Variants in RICTOR observed in about 807,000 individuals in gnomAD.
RICTOR encodes the protein RPTOR independent companion of MTOR complex 2.
Under a neutral mutation model 214.9 loss-of-function variants are expected in RICTOR, and 49 were observed. The observed-to-expected ratio is 0.23, with a 90% CI of 0.18 to 0.29. RICTOR has a LOEUF of 0.29. Among genes scored for constraint, RICTOR ranks in the 10% least tolerant of loss-of-function variants. The pLI is 1.00. For synonymous variants in RICTOR, 717 were observed against 711.3 expected (o/e 1.01, Z -0.13); for missense variants, 1,625 against 2,047.0 (o/e 0.79, Z 3.98).
intron 2 of RICTOR, among the ~76,000 whole-genome samples, chr5:39,022,260 G>A (rs184786419): frequency 2.0e-5 from 3 of 152,280 alleles, no homozygotes; most frequent in Admixed American, 1.3e-4. Context: ...GTATTGGGAC[G>A]TAACCTCATC....
intron 3 of RICTOR, among the ~76,000 whole-genome samples, chr5:39,006,910 C>T (rs1329664387): frequency 2.0e-5 from 3 of 152,040 alleles, no homozygotes; most frequent in Admixed American, 2.0e-4. Context: ...AACAAAGAGG[C>T]CTCAGACTTT....
chr5:38,959,518 T>C (rs770899319), intron 21 of RICTOR, among the ~76,000 whole-genome samples, 197 bp from the exon 22 acceptor site: 1 of 152,186 alleles, frequency 6.6e-6, no homozygotes, highest in Non-Finnish European at 1.5e-5. Context: ...TCATCATACA[T>C]AGTTACTATT....
At chr5:39,022,572 T>C (rs1475221076) in intron 2 of RICTOR, 2 of 153,060 alleles carry the variant, frequency 1.3e-5, no homozygotes, top group African/African-American at 4.8e-5. Flanking sequence ...AAGGCCTGGC[T>C]GCCCTAGAGC....
intron 3 of RICTOR, among the ~76,000 whole-genome samples, chr5:39,011,134 C>T (rs767852949): frequency 1.1e-4 from 17 of 152,290 alleles, no homozygotes; most frequent in Non-Finnish European, 2.4e-4. Flanking sequence ...CAGGGACTTG[C>T]TGCTTTGTGT....
intron 6 of RICTOR, among the ~76,000 whole-genome samples, chr5:38,991,406 C>G (rs758069104): frequency 6.6e-6 from 1 of 152,012 alleles, no homozygotes; most frequent in Non-Finnish European, 1.5e-5. Flanking sequence ...CAAGGTAAAC[C>G]AGAGGGGACA....
At position 38,942,348 on chromosome 5, in the gene RICTOR, T is replaced by C. The variant is rs773603486; in HGVS notation, c.5083A>G (p.Thr1695Ala). The C allele has an allele frequency of 5.6e-6, 9 of 1,597,734 alleles. No individual in the cohort carries two copies. In the South Asian group the frequency reaches 1.0e-4, roughly 18 times the overall value. ...MHEEAEAVLA[T>A]PPKQPIVDTS... ...TCAACTATAGGTTGCTTTGGTGGTGTTGCCAACACAGCCTCTGCTTCTTCA... is the reference window on the plus strand; with the variant it reads ...TCAACTATAGGTTGCTTTGGTGGTGCTGCCAACACAGCCTCTGCTTCTTCA... Residue 1695 changes from threonine to alanine, a missense_variant, in exon 38 of 38, where the codon ACA becomes GCA. This residue lies in a region of RICTOR where 38 missense variants were observed against 34.8 expected (regional missense o/e 1.09). Coordinates refer to ENST00000357387, the MANE Select transcript of RICTOR (RefSeq NM_152756.5).
chr5:38,958,727 A>G lies in RICTOR; in HGVS notation c.2283T>C (p.Asp761=). 6.2e-7 allele frequency: 1 copy of G among 1,612,306 alleles called. No homozygotes were observed. The highest frequency in any genetic ancestry group is 8.5e-7 in the Non-Finnish European group (1 of 1,179,084). Residue 761 remains aspartate, a synonymous_variant, in exon 23 of 38, where the codon GAT becomes GAC. Coordinates refer to ENST00000357387, the MANE Select transcript of RICTOR (RefSeq NM_152756.5). ...GIELLVTQLH[D]KNKTISSEAL... ...CTTCAGAGGAAATCGTTTTGTTTTT[A>G]TCATGTAGCTGGGTCACTAACAACT...
intron 2 of RICTOR, among the ~76,000 whole-genome samples, chr5:39,032,884 T>C (rs193080836): frequency 3.3e-5 from 5 of 152,308 alleles, no homozygotes; most frequent in Non-Finnish European, 7.3e-5. Flanking sequence ...TCAACCCAAC[T>C]TGGGGAACAA....
At chr5:39,040,679 A>G (rs1308802511) in intron 2 of RICTOR, among the ~76,000 whole-genome samples, 1 of 152,006 alleles carries the variant, frequency 6.6e-6, no homozygotes, top group Admixed American at 6.5e-5. Context: ...ATTGTATTCC[A>G]TAATTTTATT....
chr5:39,061,128 A>C (rs1758512093), intron 2 of RICTOR, among the ~76,000 whole-genome samples: 1 of 152,118 alleles, frequency 6.6e-6, no homozygotes, highest in Non-Finnish European at 1.5e-5. Flanking sequence ...AATGCTGGAC[A>C]CATAACCAGT....
intron 7 of RICTOR, among the ~76,000 whole-genome samples, chr5:38,989,918 C>A (rs547388916): frequency 8.0e-4 from 122 of 152,146 alleles, no homozygotes; most frequent in Non-Finnish European, 1.5e-3. Flanking sequence ...TAAATTAGTT[C>A]AACCATTGTG....
rs1025711585 is a variant in RICTOR, at chr5:38,940,996, T to C, written c.*1308A>G. The C allele has an allele frequency of 1.7e-5, 4 of 232,756 alleles. No homozygotes were observed. The highest frequency in any genetic ancestry group is 6.1e-5 in the East Asian group (1 of 16,380). The allele number at this position is 232,756 out of a possible 1,614,324, so 14.4% of individuals were successfully genotyped here. ...TGGATTTTCTATTTCTATTTATATA[T>C]AGATCTCAAAAAAGATAATCCTTTC... On this transcript the variant is annotated 3_prime_UTR_variant, in exon 38 of 38. Coordinates refer to ENST00000357387, the MANE Select transcript of RICTOR (RefSeq NM_152756.5).
chr5:39,049,070 A>G (rs1016316861), intron 2 of RICTOR, among the ~76,000 whole-genome samples: 1 of 152,100 alleles, frequency 6.6e-6, no homozygotes, highest in Non-Finnish European at 1.5e-5. Context: ...TGGTTAAGGG[A>G]AAAAAACACC....
chr5:39,063,830 G>T (rs935248874), intron 2 of RICTOR, among the ~76,000 whole-genome samples: 4 of 150,828 alleles, frequency 2.7e-5, no homozygotes, highest in African/African-American at 9.8e-5. Flanking sequence ...TTAACACAAT[G>T]GGGTTAAAAA....
chr5:39,002,488 C>T, intron 5 of RICTOR, 47 bp downstream of exon 5: 1 of 1,394,292 alleles, frequency 7.2e-7, no homozygotes, highest in Non-Finnish European at 9.9e-7. Flanking sequence ...ATGCTAAAAA[C>T]TCAACACAAA....
intron 6 of RICTOR, among the ~76,000 whole-genome samples, chr5:38,993,692 T>C (rs1483990523): frequency 2.0e-5 from 3 of 151,992 alleles, no homozygotes; most frequent in Non-Finnish European, 4.4e-5. Flanking sequence ...AACTCAGTGA[T>C]ATAGTAATTA....
At chr5:39,063,375 A>C (rs1580223881) in intron 2 of RICTOR, among the ~76,000 whole-genome samples, 2 of 152,232 alleles carry the variant, frequency 1.3e-5, no homozygotes, top group East Asian at 3.9e-4. Flanking sequence ...CTTACCCCTA[A>C]CTTTTTCTCA....
intron 17 of RICTOR, 71 bp from the exon 18 acceptor site, chr5:38,962,657 T>C: frequency 1.1e-6 from 1 of 947,638 alleles, no homozygotes; most frequent in Non-Finnish European, 1.6e-6. Flanking sequence ...AAGTTCAAAT[T>C]TGAAAAAATG....
chr5:38,957,669 A>G lies in RICTOR; in HGVS notation c.2482T>C (p.Leu828=), dbSNP rs1749386726. Residue 828 remains leucine (L), a synonymous_variant, in exon 25 of 38, where the codon TTG becomes CTG. Transcript: ENST00000357387. The stretch of plus-strand genomic sequence containing the variant: ...GAAGTTACCCTGTGCCACTTTTCCA[A>G]TTGTTTTGCTACATAACCTCTTTCA... ...LNERGYVAKQ[L]EKWHREYNSK... is the part of the protein sequence containing the mutation. The G allele has an allele frequency of 4.4e-6, 7 of 1,575,912 alleles. No individual in the cohort carries two copies. Among genetic ancestry groups the G allele is most frequent in the African/African-American group, 1.4e-5 (1 of 73,578 alleles).
Sources: allele counts gnomAD v4.1 joint callset (sites outside exome capture counted in the v4.1 genomes callset), GRCh38; gene constraint gnomAD v4.1.1; regional missense constraint gnomAD v4.1.1; transcripts MANE v1.5; gene names NCBI Gene and HGNC (gene_info 2026-07-23, HGNC 2026-07-21).